Variants in ERBB4 observed in about 807,000 individuals in gnomAD.
The protein encoded by ERBB4 is receptor tyrosine-protein kinase erbB-4.
In ERBB4, 42 loss-of-function variants were observed where a neutral mutation model predicts 158.0. The ratio of observed to expected loss-of-function variants is 0.27; its 90% CI spans 0.21 to 0.34. The LOEUF is 0.34. ERBB4 is among the 10% of genes least tolerant of loss of function. The probability of loss-of-function intolerance (pLI) is 1.00; values close to 1 mark genes in which losing one functional copy is unlikely to be tolerated. For synonymous variants in ERBB4, 583 were observed against 558.7 expected (o/e 1.04, Z -0.61); for missense variants, 1,333 against 1,624.1 (o/e 0.82, Z 3.08).
At chr2:211,731,383 G>A (rs1037170657) in intron 5 of ERBB4, among the ~76,000 whole-genome samples, 5 of 152,102 alleles carry the variant, frequency 3.3e-5, no homozygotes, top group African/African-American at 1.2e-4. Flanking sequence ...GTATTTGAAT[G>A]GAATGTTTTT....
chr2:211,500,442 A>G (rs1272330950), intron 20 of ERBB4, among the ~76,000 whole-genome samples: 1 of 152,138 alleles, frequency 6.6e-6, no homozygotes, highest in East Asian at 1.9e-4. Context: ...CACAGTCAAG[A>G]TAATTTATTT....
intron 12 of ERBB4, among the ~76,000 whole-genome samples, chr2:211,692,566 C>T (rs1276312920): frequency 3.3e-5 from 5 of 152,168 alleles, no homozygotes; most frequent in East Asian, 3.9e-4. Flanking sequence ...AGAATTTGTT[C>T]CTTGCCTCTT....
chr2:212,228,173 T>A (rs2083539427), intron 1 of ERBB4, among the ~76,000 whole-genome samples: 1 of 152,188 alleles, frequency 6.6e-6, no homozygotes, highest in Non-Finnish European at 1.5e-5. Flanking sequence ...ATAAAGATTT[T>A]AAAAATAATC....
At position 212,321,506 on chromosome 2, in the gene ERBB4, T is replaced by C. The variant is rs7573898; in HGVS notation, c.83-196603A>G. Among the ~76,000 whole-genome samples the C allele has an allele frequency of 5.5e-3, 821 of 150,558 alleles. 14 individuals carry two copies. The highest frequency in any genetic ancestry group is 0.018 in the African/African-American group (731 of 41,366). ...GAGTTCAAGACCATCCTGGGCAACA[T>C]AGCAAGACTTCATCTGTATTAAAAA... On this transcript the variant is annotated intron_variant, in intron 1 of 27. Transcript: ENST00000342788.
intron 4 of ERBB4, among the ~76,000 whole-genome samples, chr2:211,786,260 T>G (rs7588431): frequency 6.6e-6 from 1 of 151,980 alleles, no homozygotes; most frequent in African/African-American, 2.4e-5. Flanking sequence ...TGAGATTACC[T>G]CTGGGGAGAA....
chr2:211,429,328 G>A (rs893048870), intron 21 of ERBB4, among the ~76,000 whole-genome samples: 32 of 151,814 alleles, frequency 2.1e-4, no homozygotes, highest in African/African-American at 7.5e-4. Context: ...CCACTAAAAC[G>A]CCTAAAATCA....
chr2:212,354,950 T>G (rs2089410982), intron 1 of ERBB4, among the ~76,000 whole-genome samples: 1 of 152,002 alleles, frequency 6.6e-6, no homozygotes, highest in East Asian at 1.9e-4. Context: ...TGCTACAATG[T>G]TAAATAAGGC....
chr2:211,769,819 T>A (rs2075646461), intron 4 of ERBB4, among the ~76,000 whole-genome samples: 1 of 152,194 alleles, frequency 6.6e-6, no homozygotes, highest in Admixed American at 6.5e-5. Context: ...TGCTCTTCCA[T>A]CTGCTCCTGT....
chr2:212,361,809 G>A (rs964811741), intron 1 of ERBB4, among the ~76,000 whole-genome samples: 6 of 151,632 alleles, frequency 4.0e-5, no homozygotes, highest in African/African-American at 1.5e-4. Flanking sequence ...TGTCTGGCAT[G>A]TGGTTGTCAC....
intron 1 of ERBB4, among the ~76,000 whole-genome samples, chr2:212,185,034 C>CTTTTTTTTTTT (rs762121501): frequency 1.5e-5 from 2 of 132,574 alleles, no homozygotes; most frequent in African/African-American, 5.7e-5. Flanking sequence ...TTTTTTTTTT[C>CTTTTTTTTTTT]TTTTGAGACA....
At chr2:212,375,203 C>T (rs1297299555) in intron 1 of ERBB4, among the ~76,000 whole-genome samples, 1 of 152,026 alleles carries the variant, frequency 6.6e-6, no homozygotes, top group Non-Finnish European at 1.5e-5. Flanking sequence ...ACAGAAGTCT[C>T]AGATTATGGA....
intron 17 of ERBB4, among the ~76,000 whole-genome samples, chr2:211,629,864 A>T (rs1462763960): frequency 2.0e-5 from 3 of 152,236 alleles, no homozygotes; most frequent in Admixed American, 6.5e-5. Flanking sequence ...CTGAAACTGG[A>T]TGCCTTCCTT....
At chr2:211,439,085 G>A (rs1032682709) in intron 20 of ERBB4, among the ~76,000 whole-genome samples, 2 of 151,814 alleles carry the variant, frequency 1.3e-5, no homozygotes, top group East Asian at 1.9e-4. Flanking sequence ...AACCTCTTTA[G>A]GACCTGGACA....
intron 3 of ERBB4, among the ~76,000 whole-genome samples, chr2:211,925,649 A>C (rs1031153704): frequency 2.6e-5 from 4 of 152,058 alleles, no homozygotes; most frequent in Non-Finnish European, 1.5e-5. Flanking sequence ...CGAAAGTGCT[A>C]GATAATAGGC....
intron 1 of ERBB4, among the ~76,000 whole-genome samples, chr2:212,452,523 T>C (rs1388170031): frequency 6.6e-6 from 1 of 152,174 alleles, no homozygotes; most frequent in Non-Finnish European, 1.5e-5. Flanking sequence ...TCAGGACATT[T>C]TTATAGGAAT....
At chr2:211,518,525 A>C (rs946779734) in intron 20 of ERBB4, among the ~76,000 whole-genome samples, 1 of 151,970 alleles carries the variant, frequency 6.6e-6, no homozygotes, top group Non-Finnish European at 1.5e-5. Context: ...GTGGTGGTGC[A>C]CACCTGTAAT....
intron 1 of ERBB4, among the ~76,000 whole-genome samples, chr2:212,305,556 C>T (rs184722108): frequency 6.6e-6 from 1 of 150,520 alleles, no homozygotes; most frequent in Admixed American, 6.7e-5. Flanking sequence ...GGGAAACTAC[C>T]ATGAGATGAA....
chr2:212,013,928 A>G (rs74409401), intron 2 of ERBB4, among the ~76,000 whole-genome samples: 23,684 of 152,188 alleles, frequency 0.16, 2,027 homozygotes, highest in Non-Finnish European at 0.19. Flanking sequence ...TAAGCCACCC[A>G]GTTTGTCATA....
At chr2:211,600,101 T>A (rs2068754721) in intron 19 of ERBB4, among the ~76,000 whole-genome samples, 1 of 152,182 alleles carries the variant, frequency 6.6e-6, no homozygotes, top group Non-Finnish European at 1.5e-5. Flanking sequence ...GATTATTGAA[T>A]GGCTGAAATT....
Sources: allele counts gnomAD v4.1 joint callset (sites outside exome capture counted in the v4.1 genomes callset), GRCh38; gene constraint gnomAD v4.1.1; transcripts MANE v1.5; gene names NCBI Gene and HGNC (gene_info 2026-07-23, HGNC 2026-07-21).